CPLANE1: variants seen among roughly 807,000 people sequenced by gnomAD.
The protein encoded by CPLANE1 is ciliogenesis and planar polarity effector complex subunit 1.
CPLANE1 carries 263 observed loss-of-function variants against 362.5 expected under a neutral mutation model. The ratio of observed to expected loss-of-function variants is 0.73; its 90% CI spans 0.66 to 0.80. CPLANE1 has a LOEUF of 0.80. CPLANE1 is among the 30% of genes least tolerant of loss of function. The pLI is 0.00. For synonymous variants in CPLANE1, 1,212 were observed against 1,302.6 expected (o/e 0.93, Z 1.50); for missense variants, 3,461 against 3,793.4 (o/e 0.91, Z 2.30).
intron 1 of CPLANE1, 52 bp from the exon 2 acceptor site, chr5:37,247,797 CATT>C (rs1561736469): frequency 4.0e-4 from 476 of 1,175,464 alleles, no homozygotes; most frequent in Non-Finnish European, 4.1e-4. Context: ...ATTCACTGGG[CATT>C]TTTTTTTTTT....
At chr5:37,188,694 T>C (rs987542650) in intron 21 of CPLANE1, among the ~76,000 whole-genome samples, 2 of 152,174 alleles carry the variant, frequency 1.3e-5, no homozygotes, top group Non-Finnish European at 2.9e-5. Context: ...AAGAAATCAT[T>C]ATATGAAAAA....
Position 37,204,190 on chromosome 5 carries a change from G to A in CPLANE1, c.3289+1125C>T, listed in dbSNP as rs535015843. On this transcript the variant is annotated intron_variant, in intron 18 of 52. Transcript: ENST00000651892. ...TTGATTAAAGCAAAAGAACTGCACA[G>A]AAAATTATCAAAGAAAAGTTTATAG... 5.9e-5 allele frequency among the ~76,000 whole-genome samples: 9 copies of A among 152,250 alleles called. No homozygotes were observed. The East Asian group carries it at 1.2e-3, about 20-fold the overall frequency.
chr5:37,106,270 C>T lies in CPLANE1; in HGVS notation c.*1332G>A, dbSNP rs1336073308. The T allele has an allele frequency of 1.3e-5, 2 of 152,272 alleles. No individual in the cohort carries two copies. The highest frequency in any genetic ancestry group is 4.8e-5 in the African/African-American group (2 of 41,432). 9.4% of individuals were successfully genotyped at this position (152,272 alleles called of 1,614,324 possible). The stretch of plus-strand genomic sequence containing the variant: ...CCTACATTTATTGCAGCTCTATTCA[C>T]AACAGCTAAGATATAGAATTGATAT... On this transcript the variant is annotated 3_prime_UTR_variant, in exon 53 of 53. Coordinates refer to ENST00000651892, the MANE Select transcript of CPLANE1 (RefSeq NM_001384732.1).
chr5:37,227,669 G>A lies in CPLANE1; in HGVS notation c.1270C>T (p.Arg424Ter), dbSNP rs755097302. The A allele has an allele frequency of 3.3e-5, 51 of 1,551,334 alleles. No individual in the cohort carries two copies. The highest frequency in any genetic ancestry group is 1.3e-4 in the South Asian group (11 of 84,050). The change falls in exon 10 of 53, where the codon CGA becomes TGA. Residue 424 changes from arginine (R) to a stop codon, truncating the protein, a stop_gained. Transcript: ENST00000651892. LOFTEE classifies it high-confidence loss of function. Reference sequence around the variant, plus strand: ...GATGGAGATAGGCTATCAAGAAATCGAAGGGTTGTGACCATATATCCATCA... The same window carrying A: ...GATGGAGATAGGCTATCAAGAAATCAAAGGGTTGTGACCATATATCCATCA... Reference protein sequence around the residue: ...ISDGYMVTTLRFLDSLSPSVH... With the variant: ...ISDGYMVTTL
At position 37,157,421 on chromosome 5, in the gene CPLANE1, C is replaced by T. The variant is rs1372360017; in HGVS notation, c.8012-1G>A. On this transcript the variant is annotated splice_acceptor_variant, in intron 40 of 52. Coordinates refer to ENST00000651892, the MANE Select transcript of CPLANE1 (RefSeq NM_001384732.1). LOFTEE classifies it high-confidence loss of function. Reference sequence around the variant, plus strand: ...CCATCCAGACAAGCTGGAGTTACTTCTGCAGGTTTAGAAAATAAATCCATA... The same window carrying T: ...CCATCCAGACAAGCTGGAGTTACTTTTGCAGGTTTAGAAAATAAATCCATA... 1 of 1,481,822 alleles carries T rather than the reference C, an allele frequency of 6.7e-7. No homozygotes were observed. Among genetic ancestry groups the T allele is most frequent in the Non-Finnish European group, 9.0e-7 (1 of 1,106,112 alleles). The allele number at this position is 1,481,822 out of a possible 1,614,324, so 91.8% of individuals were successfully genotyped here.
downstream of CPLANE1, among the ~76,000 whole-genome samples, chr5:37,102,851 G>A (rs1275403730): frequency 2.0e-5 from 3 of 152,164 alleles, no homozygotes; most frequent in Non-Finnish European, 4.4e-5. Flanking sequence ...GCCATGTGAT[G>A]AGAAGAATGT....
intron 44 of CPLANE1, 35 bp from the exon 45 acceptor site, chr5:37,139,405 G>GA: frequency 9.2e-7 from 1 of 1,091,194 alleles, no homozygotes; most frequent in Non-Finnish European, 1.2e-6. Flanking sequence ...AAAATTTTGG[G>GA]TTTTTTTTTG....
In CPLANE1 at chr5:37,180,088, A is replaced by G. The variant is rs1245054488; in HGVS notation, c.5666T>C (p.Ile1889Thr). The G allele has an allele frequency of 6.4e-7, 1 of 1,564,608 alleles. No homozygotes were observed. The highest frequency in any genetic ancestry group is 8.7e-7 in the Non-Finnish European group (1 of 1,150,440). ...THNTKKEFIDIDENLLEVEAF... is the reference protein window; with the variant it reads ...THNTKKEFIDTDENLLEVEAF... ...TTCTACTTCTAAAAGATTCTCATCA[A>G]TATCTATAAATTCTTTTTTAGTATT... The change falls in exon 28 of 53, where the codon ATT becomes ACT. Residue 1889 changes from isoleucine (I) to threonine (T), a missense_variant. This residue lies in a region of CPLANE1 where 3,380 missense variants were observed against 3,666.1 expected (regional missense o/e 0.92). Transcript: ENST00000651892.
chr5:37,234,221 C>T (rs375830074), intron 8 of CPLANE1, among the ~76,000 whole-genome samples: 1 of 151,716 alleles, frequency 6.6e-6, no homozygotes, highest in Admixed American at 6.6e-5. Context: ...AAAAATTGTC[C>T]GGTAATAGAT....
chr5:37,133,812 T>G (rs1053883490), intron 46 of CPLANE1, among the ~76,000 whole-genome samples: 2 of 152,210 alleles, frequency 1.3e-5, no homozygotes, highest in Non-Finnish European at 2.9e-5. Flanking sequence ...AGTACTGTGT[T>G]AAATAGAAGT....
At chr5:37,149,650 T>C (rs780791171) in intron 42 of CPLANE1, among the ~76,000 whole-genome samples, 1 of 152,196 alleles carries the variant, frequency 6.6e-6, no homozygotes, top group Non-Finnish European at 1.5e-5. Context: ...AAGAATAAAA[T>C]GCAACGATTA....
At chr5:37,208,969 T>A (rs969493587) in intron 16 of CPLANE1, among the ~76,000 whole-genome samples, 1 of 149,952 alleles carries the variant, frequency 6.7e-6, no homozygotes, top group Non-Finnish European at 1.5e-5. Flanking sequence ...AAAGAAAACA[T>A]GCGCATGCGC....
chr5:37,109,505 T>A (rs780907414), intron 51 of CPLANE1, among the ~76,000 whole-genome samples: 3 of 152,188 alleles, frequency 2.0e-5, no homozygotes, highest in Non-Finnish European at 4.4e-5. Context: ...CTCTAAAACC[T>A]GTACCTCCAG....
Position 37,239,608 on chromosome 5 carries a change from G to GA in CPLANE1, c.834+104dup, listed in dbSNP as rs66769463. On this transcript the variant is annotated intron_variant, in intron 7 of 52. Transcript: ENST00000651892. ...AAAAAAAAAAAAAAAAAACCAGAAA[G>GA]AAAAAAAAAATGGATATAAAGGAGT... 15,911 of 514,488 alleles carry GA rather than the reference G, an allele frequency of 0.031. 635 individuals are homozygous for GA. Among genetic ancestry groups the GA allele is most frequent in the African/African-American group, 0.18 (8,122 of 43,982 alleles). The allele number at this position is 514,488 out of a possible 1,614,324, so 31.9% of individuals were successfully genotyped here.
At chr5:37,150,943 C>T (rs557003046) in intron 42 of CPLANE1, among the ~76,000 whole-genome samples, 71 of 152,258 alleles carry the variant, frequency 4.7e-4, no homozygotes, top group Non-Finnish European at 9.0e-4. Context: ...CACTGTGACC[C>T]ATGTGGTCTC....
chr5:37,196,866 G>A (rs577930843), intron 20 of CPLANE1, among the ~76,000 whole-genome samples: 18 of 151,996 alleles, frequency 1.2e-4, no homozygotes, highest in Non-Finnish European at 2.2e-4. Context: ...CGGAGGTTGC[G>A]GTGAGCCGAG....
rs368612169 is a variant in CPLANE1 at position 37,247,589 on chromosome 5, T to C, written c.81+29A>G. ...AACACACATATAACATATATAAAAC[T>C]GGTATTGCATGAATAAAGAAAAACC... On this transcript the variant is annotated intron_variant, in intron 2 of 52. Coordinates refer to ENST00000651892, the MANE Select transcript of CPLANE1 (RefSeq NM_001384732.1). The C allele has an allele frequency of 1.3e-5, 20 of 1,536,222 alleles. No individual in the cohort carries two copies. In the African/African-American group the frequency reaches 2.1e-4, roughly 16 times the overall value.
Position 37,224,611 on chromosome 5 carries a change from G to C in CPLANE1, c.2421C>G (p.Ser807=). The change falls in exon 13 of 53, where the codon TCC becomes TCG. Residue 807 remains serine, a synonymous_variant. Transcript: ENST00000651892. ...GGTTAGCCTGCAAATGACATAACAG[G>C]GACTTGACAGTAGATGCTTCATGTG... The part of the protein sequence containing the change: ...KMTHEASTVK[S]LLCHLQANLQ... The C allele has an allele frequency of 6.4e-7, 1 of 1,551,348 alleles. No individual in the cohort carries two copies. The highest frequency in any genetic ancestry group is 8.7e-7 in the Non-Finnish European group (1 of 1,146,794).
At chr5:37,145,719 C>A (rs1214507603) in intron 43 of CPLANE1, among the ~76,000 whole-genome samples, 1 of 151,758 alleles carries the variant, frequency 6.6e-6, no homozygotes, top group East Asian at 1.9e-4. Context: ...AAAACTCCAT[C>A]CAATAAAAGG....
Sources: gnomAD v4.1 joint callset for allele counts (sites outside exome capture counted in the v4.1 genomes callset) on GRCh38, gnomAD v4.1.1 for gene constraint, gnomAD v4.1.1 regional missense constraint, MANE v1.5 for transcripts, NCBI Gene and HGNC (gene_info 2026-07-23, HGNC 2026-07-21) for gene names.